Variants in NTNG1 observed in about 807,000 individuals in gnomAD.
NTNG1 encodes the protein netrin-G1.
NTNG1 carries 16 observed loss-of-function variants against 54.0 expected under a neutral mutation model. That is an observed-to-expected ratio of 0.30 (90% CI 0.20 to 0.45). The LOEUF is 0.45. Among genes scored for constraint, NTNG1 ranks in the 20% least tolerant of loss-of-function variants. NTNG1 has a pLI of 1.00. For synonymous variants in NTNG1, 255 were observed against 263.1 expected, an observed-to-expected ratio of 0.97 and a Z score of 0.30; for missense variants, 530 against 678.7, an observed-to-expected ratio of 0.78 and a Z score of 2.43.
chr1:107,171,896 C>CT (rs11306051), intron 2 of NTNG1, among the ~76,000 whole-genome samples: 5 of 151,548 alleles, frequency 3.3e-5, no homozygotes, highest in African/African-American at 1.2e-4. Context: ...ATTTTTTCCC[C>CT]TTTTTTTTTG....
intron 2 of NTNG1, among the ~76,000 whole-genome samples, chr1:107,233,767 T>C (rs1661218154): frequency 1.3e-5 from 2 of 152,246 alleles, no homozygotes; most frequent in Non-Finnish European, 2.9e-5. Flanking sequence ...TGTTGCCTGT[T>C]CAGGATGGTT....
At chr1:107,474,267 C>A (rs1678171542) in intron 7 of NTNG1, among the ~76,000 whole-genome samples, 1 of 152,144 alleles carries the variant, frequency 6.6e-6, no homozygotes, top group Admixed American at 6.5e-5. Flanking sequence ...AAAATGAATA[C>A]ACCCACAGAA....
chr1:107,327,359 A>C (rs964213113), intron 3 of NTNG1, among the ~76,000 whole-genome samples: 1 of 152,120 alleles, frequency 6.6e-6, no homozygotes, highest in Non-Finnish European at 1.5e-5. Context: ...GGAGCCAGTG[A>C]AAGGAAATGT....
chr1:107,460,095 A>G (rs1344949009), intron 7 of NTNG1, among the ~76,000 whole-genome samples: 2 of 152,188 alleles, frequency 1.3e-5, no homozygotes, highest in East Asian at 3.8e-4. Context: ...GAAAACCTCT[A>G]GAAAACAGTT....
chr1:107,219,242 A>C (rs1660182223), intron 2 of NTNG1, among the ~76,000 whole-genome samples: 1 of 151,524 alleles, frequency 6.6e-6, no homozygotes, highest in South Asian at 2.1e-4. Flanking sequence ...TTCTCTAAGC[A>C]TGTCCTTTAT....
intron 2 of NTNG1, among the ~76,000 whole-genome samples, chr1:107,213,935 G>A (rs1474017275): frequency 1.3e-5 from 2 of 151,800 alleles, no homozygotes; most frequent in Non-Finnish European, 2.9e-5. Flanking sequence ...CATTTTTATT[G>A]GTTTGTAGGT....
At chr1:107,473,350 C>A (rs1173092059) in intron 7 of NTNG1, among the ~76,000 whole-genome samples, 5 of 152,182 alleles carry the variant, frequency 3.3e-5, no homozygotes, top group Non-Finnish European at 5.9e-5. Flanking sequence ...AATGGATCAT[C>A]ATGACCTTAG....
chr1:107,159,138 G>T (rs549253576), intron 2 of NTNG1, among the ~76,000 whole-genome samples: 26 of 152,262 alleles, frequency 1.7e-4, no homozygotes, highest in African/African-American at 6.3e-4. Flanking sequence ...GAAGATGTGT[G>T]CATGACATAG....
At chr1:107,460,609 G>T (rs370872904) in intron 7 of NTNG1, among the ~76,000 whole-genome samples, 1 of 152,102 alleles carries the variant, frequency 6.6e-6, no homozygotes, top group African/African-American at 2.4e-5. Flanking sequence ...GTAATTATTC[G>T]ATAGCTTCTT....
intron 7 of NTNG1, among the ~76,000 whole-genome samples, chr1:107,440,369 C>T (rs1381681940): frequency 1.3e-5 from 2 of 152,134 alleles, no homozygotes; most frequent in African/African-American, 2.4e-5. Flanking sequence ...ACTCTGGATT[C>T]GTAGAGACCA....
chr1:107,161,126 G>A (rs1655367263), intron 2 of NTNG1, among the ~76,000 whole-genome samples: 1 of 152,016 alleles, frequency 6.6e-6, no homozygotes, highest in Non-Finnish European at 1.5e-5. Flanking sequence ...ACTGTGTTTC[G>A]TAGTGCCCAT....
chr1:107,401,171 A>C (rs1409603497), intron 4 of NTNG1, among the ~76,000 whole-genome samples: 1 of 152,132 alleles, frequency 6.6e-6, no homozygotes, highest in Admixed American at 6.5e-5. Context: ...GCTCATGGCC[A>C]ATCGAACCAT....
chr1:107,297,249 G>GATATATATATATATT, intron 2 of NTNG1, among the ~76,000 whole-genome samples: 1 of 18,672 alleles, frequency 5.4e-5, no homozygotes, highest in Non-Finnish European at 1.2e-4. Context: ...ATATATATGC[G>GATATATATATATATT]CACACACACA....
At chr1:107,182,703 G>A (rs964895059) in intron 2 of NTNG1, among the ~76,000 whole-genome samples, 2 of 152,138 alleles carry the variant, frequency 1.3e-5, no homozygotes, top group East Asian at 1.9e-4. Context: ...CAGGAGACCC[G>A]ATCTACAATC....
chr1:107,169,449 A>G (rs996612109), intron 2 of NTNG1, among the ~76,000 whole-genome samples: 23 of 152,128 alleles, frequency 1.5e-4, no homozygotes, highest in Admixed American at 1.0e-3. Flanking sequence ...AGATCCACTT[A>G]GTAATTTCTC....
At chr1:107,443,547 T>C (rs989653481) in intron 7 of NTNG1, among the ~76,000 whole-genome samples, 3 of 152,134 alleles carry the variant, frequency 2.0e-5, no homozygotes, top group Non-Finnish European at 2.9e-5. Context: ...TTGTAATTTT[T>C]CAATGTTTCT....
At chr1:107,376,070 A>T (rs1337128917) in intron 3 of NTNG1, among the ~76,000 whole-genome samples, 4 of 152,220 alleles carry the variant, frequency 2.6e-5, no homozygotes, top group Non-Finnish European at 5.9e-5. Context: ...TGTGTTAGGA[A>T]CTCCTATAAG....
At chr1:107,191,768 T>C (rs1401813771) in intron 2 of NTNG1, among the ~76,000 whole-genome samples, 3 of 151,806 alleles carry the variant, frequency 2.0e-5, no homozygotes, top group Non-Finnish European at 2.9e-5. Flanking sequence ...GAGGGCTCTG[T>C]TCTGTTCCAT....
chr1:107,215,656 G>T (rs111964446), intron 2 of NTNG1, among the ~76,000 whole-genome samples: 2,221 of 151,998 alleles, frequency 0.015, 51 homozygotes, highest in African/African-American at 0.046. Context: ...TTTGAGATTT[G>T]TTTTCTAGTT....
Sources: allele counts gnomAD v4.1 joint callset (sites outside exome capture counted in the v4.1 genomes callset), GRCh38; gene constraint gnomAD v4.1.1; transcripts MANE v1.5; gene names NCBI Gene and HGNC (gene_info 2026-07-23, HGNC 2026-07-21).